Variants in RELN observed in about 807,000 individuals in gnomAD.
RELN encodes the protein reelin.
RELN carries 108 observed loss-of-function variants against 427.6 expected under a neutral mutation model. The ratio of observed to expected loss-of-function variants is 0.25; its 90% confidence interval spans 0.22 to 0.30. The LOEUF is 0.30. Ranked by LOEUF, RELN falls within the 10% of genes least tolerant of loss-of-function variation. The pLI is 1.00. For missense variants in RELN, 3,715 were observed against 4,302.8 expected (o/e 0.86, Z 3.82); for synonymous variants, 1,524 against 1,513.4 (o/e 1.01, Z -0.16).
At chr7:103,810,068 C>T (rs994796129) in intron 3 of RELN, among the ~76,000 whole-genome samples, 2 of 152,048 alleles carry the variant, frequency 1.3e-5, no homozygotes, top group African/African-American at 2.4e-5. Flanking sequence ...AATAAATTCC[C>T]CACTTTTAAT....
intron 1 of RELN, among the ~76,000 whole-genome samples, chr7:103,986,777 TAA>T (rs1053982962): frequency 1.3e-5 from 2 of 152,002 alleles, no homozygotes; most frequent in Non-Finnish European, 2.9e-5. Context: ...AGGTTAGAAA[TAA>T]AGTCTCAAGC....
intron 2 of RELN, among the ~76,000 whole-genome samples, chr7:103,835,951 ACCCTT>A (rs1349740846): frequency 1.5e-5 from 2 of 129,882 alleles, no homozygotes; most frequent in East Asian, 2.1e-4. Context: ...ACTCTCAATT[ACCCTT>A]TTTTTTTTTT....
rs376611357 is a variant in RELN, at chr7:103,495,742, C to G, written c.9350G>C (p.Gly3117Ala). The change falls in exon 57 of 65, where the codon GGA becomes GCA. Residue 3117 changes from glycine (G) to alanine (A), a missense_variant. Physicochemically the swap from Gly to Ala is moderately conservative, Grantham distance 60 (BLOSUM62 0). Around this residue, in one of 4 missense-constraint regions of RELN, gnomAD observed 1,310 missense variants for 1,643.0 expected, o/e 0.80. Coordinates refer to ENST00000428762, the MANE Select transcript of RELN (RefSeq NM_005045.4). The stretch of plus-strand genomic sequence containing the variant: ...CCTTACTTTAAACTGCATCATGTAT[C>G]CTGGCTGTATAATGAGTTCTCGGGA... Reference protein sequence around the residue: ...LSSRELIIQPGYMMQFKIVVG... With the variant: ...LSSRELIIQPAYMMQFKIVVG... 2 of 1,613,966 alleles carry G rather than the reference C, an allele frequency of 1.2e-6. No individual in the cohort carries two copies. The highest frequency in any genetic ancestry group is 2.7e-5 in the African/African-American group (2 of 74,996).
Position 103,651,701 on chromosome 7 carries a change from G to A in RELN, c.1852C>T (p.Leu618Phe). 6.2e-7 allele frequency: 1 copy of A among 1,611,694 alleles called. No homozygotes were observed. Reference protein sequence around the residue: ...CLPEICAGPHLPHSTVYSSEN... With the variant: ...CLPEICAGPHFPHSTVYSSEN... Reference sequence around the variant, plus strand: ...GAGGAGTAGACAGTGCTGTGGGGGAGGTGGGGTCCAGCACAGATCTCAGGT... The same window carrying A: ...GAGGAGTAGACAGTGCTGTGGGGGAAGTGGGGTCCAGCACAGATCTCAGGT... The change falls in exon 15 of 65, where the codon CTC becomes TTC. Residue 618 changes from leucine to phenylalanine, a missense_variant. Leu to Phe is a conservative substitution (Grantham distance 22). Coordinates refer to ENST00000428762, the MANE Select transcript of RELN (RefSeq NM_005045.4).
chr7:103,851,787 G>T lies in RELN; in HGVS notation c.338-18115C>A, dbSNP rs538497878. ...TTAATTGCTCACCAAATAGCTGTAT[G>T]CTCCTACACATTATCCAGCTCCTTT... On this transcript the variant is annotated intron_variant, in intron 2 of 64. Transcript: ENST00000428762. 1.0e-3 allele frequency among the ~76,000 whole-genome samples: 158 copies of T among 152,306 alleles called. 2 individuals carry two copies. Among genetic ancestry groups the T allele is most frequent in the Admixed American group, 5.5e-3 (84 of 15,302 alleles).
chr7:103,900,790 T>G (rs1795066689), intron 2 of RELN, among the ~76,000 whole-genome samples: 1 of 152,086 alleles, frequency 6.6e-6, no homozygotes, highest in Non-Finnish European at 1.5e-5. Flanking sequence ...GCTAGCTATA[T>G]GCAGAAAACT....
At chr7:103,806,709 A>G (rs1340280675) in intron 3 of RELN, among the ~76,000 whole-genome samples, 1 of 152,188 alleles carries the variant, frequency 6.6e-6, no homozygotes, top group Non-Finnish European at 1.5e-5. Context: ...AACCATCAAG[A>G]GAATCCGAAA....
intron 17 of RELN, among the ~76,000 whole-genome samples, chr7:103,639,024 A>G (rs373043109): frequency 2.0e-5 from 3 of 152,354 alleles, no homozygotes; most frequent in Non-Finnish European, 1.5e-5. Context: ...TTAGGACAAC[A>G]TCAGGATTTG....
chr7:103,891,935 A>C (rs1486940764), intron 2 of RELN, among the ~76,000 whole-genome samples: 1 of 152,194 alleles, frequency 6.6e-6, no homozygotes, highest in Non-Finnish European at 1.5e-5. Flanking sequence ...AGAATGAACA[A>C]AAGGAAGGAA....
At chr7:103,732,404 T>C (rs1251513821) in intron 6 of RELN, among the ~76,000 whole-genome samples, 1 of 152,150 alleles carries the variant, frequency 6.6e-6, no homozygotes, top group Admixed American at 6.6e-5. Flanking sequence ...ATGCATGTTC[T>C]TAATCTGTGC....
intron 42 of RELN, among the ~76,000 whole-genome samples, chr7:103,544,825 C>T (rs1830253380): frequency 6.6e-6 from 1 of 152,116 alleles, no homozygotes; most frequent in African/African-American, 2.4e-5. Context: ...GATTAAGTCT[C>T]TATAGATATA....
chr7:103,688,669 A>G (rs933643941), intron 10 of RELN, among the ~76,000 whole-genome samples: 4 of 152,038 alleles, frequency 2.6e-5, no homozygotes, highest in Admixed American at 2.0e-4. Flanking sequence ...TGGTTCAGCA[A>G]TTGTGACAAC....
chr7:103,776,634 A>G lies in RELN; in HGVS notation c.474-7T>C, dbSNP rs55693709. On this transcript the variant is annotated splice_region_variant and splice_polypyrimidine_tract_variant and intron_variant, in intron 3 of 64. Transcript: ENST00000428762. ...CCGGTGTGTTGCTGTAGCCCTGGAA[A>G]CAAATAGGAAAAGGTTAATTCAACT... 1.3e-3 allele frequency: 2,138 copies of G among 1,613,980 alleles called. 2 individuals are homozygous for G. The highest frequency in any genetic ancestry group is 1.9e-3 in the Admixed American group (116 of 60,026).
chr7:103,847,563 A>G (rs1793710552), intron 2 of RELN, among the ~76,000 whole-genome samples: 1 of 152,210 alleles, frequency 6.6e-6, no homozygotes. Flanking sequence ...CTTAAAGTAT[A>G]ATAACAAAAA....
chr7:103,747,047 A>C (rs1425357858), intron 6 of RELN, among the ~76,000 whole-genome samples: 1 of 152,210 alleles, frequency 6.6e-6, no homozygotes, highest in Non-Finnish European at 1.5e-5. Flanking sequence ...GATTAAGAAA[A>C]TGTGTCACAT....
intron 3 of RELN, among the ~76,000 whole-genome samples, chr7:103,826,820 C>T (rs39350): frequency 0.34 from 52,071 of 151,720 alleles, 9,285 homozygotes; most frequent in African/African-American, 0.41. Context: ...CACAAACGTT[C>T]TATGTGGTTT....
In RELN at chr7:103,566,436, G is replaced by A. The variant is rs377068639; in HGVS notation, c.4748-24C>T. On this transcript the variant is annotated intron_variant, in intron 32 of 64. Transcript: ENST00000428762. The stretch of plus-strand genomic sequence containing the variant: ...CCCTGCAATCAGATGAATAAAGGTG[G>A]TTAGAGAAGTTTTGTTACATAGCAA... 55 of 1,611,136 alleles carry A rather than the reference G, an allele frequency of 3.4e-5. 1 individual carries two copies. Among genetic ancestry groups the A allele is most frequent in the Admixed American group, 6.7e-5 (4 of 59,986 alleles).
intron 28 of RELN, among the ~76,000 whole-genome samples, chr7:103,584,936 A>T (rs1831234677): frequency 6.6e-6 from 1 of 152,200 alleles, no homozygotes; most frequent in Non-Finnish European, 1.5e-5. Flanking sequence ...AATTACATGG[A>T]AACTAAACAA....
chr7:103,638,591 C>T (rs1832632196), intron 17 of RELN, among the ~76,000 whole-genome samples: 1 of 152,150 alleles, frequency 6.6e-6, no homozygotes, highest in Non-Finnish European at 1.5e-5. Flanking sequence ...CAATAAGGTA[C>T]ACATTGCTGG....
Sources: gnomAD v4.1 joint callset for allele counts (sites outside exome capture counted in the v4.1 genomes callset) on GRCh38, gnomAD v4.1.1 for gene constraint, gnomAD v4.1.1 regional missense constraint, MANE v1.5 for transcripts, NCBI Gene and HGNC (gene_info 2026-07-23, HGNC 2026-07-21) for gene names.